KDM5A: variants seen among roughly 807,000 people sequenced by gnomAD.
KDM5A encodes the protein lysine demethylase 5A.
In KDM5A, 42 loss-of-function variants were observed where a neutral mutation model predicts 193.5. The ratio of observed to expected loss-of-function variants is 0.22; its 90% CI spans 0.17 to 0.28. The LOEUF (loss-of-function observed/expected upper bound fraction) is 0.28, where lower values mean the gene tolerates loss of function less well. Ranked by LOEUF, KDM5A falls within the 10% of genes least tolerant of loss-of-function variation. The pLI is 1.00. For synonymous variants in KDM5A, 796 were observed against 718.1 expected (o/e 1.11, Z -1.73); for missense variants, 1,692 against 2,055.1 (o/e 0.82, Z 3.42).
Position 297,200 on chromosome 12 carries a change from C to G in KDM5A, c.4075G>C (p.Asp1359His), listed in dbSNP as rs781237018. 6.2e-7 allele frequency: 1 copy of G among 1,613,790 alleles called. No individual in the cohort carries two copies. The highest frequency in any genetic ancestry group is 1.7e-5 in the Admixed American group (1 of 60,016). ...IRETYGYDMK[D>H]TASVKSSSSL... ...CTAGAGGACTTCACACTGGCTGTGT[C>G]CTGAAGAAGAAACAAAGAGAAGTAT... The change falls in exon 25 of 28, where the codon GAC (aspartate) becomes CAC (histidine). Residue 1359 changes from aspartate to histidine, a missense_variant and splice_region_variant. By Grantham distance (81) the Asp-to-His change is moderately conservative (BLOSUM62 -1). This residue lies in a region of KDM5A where 965 missense variants were observed against 1,061.0 expected (regional missense o/e 0.91). Transcript: ENST00000399788.
rs1425963015 is a variant in KDM5A at position 363,637 on chromosome 12, G to T, written c.538-540C>A. 2.0e-5 allele frequency among the ~76,000 whole-genome samples: 3 copies of T among 151,906 alleles called. No individual in the cohort carries two copies. In the East Asian group the frequency reaches 5.8e-4, roughly 29 times the overall value. On this transcript the variant is annotated intron_variant, in intron 4 of 27. Coordinates refer to ENST00000399788, the MANE Select transcript of KDM5A (RefSeq NM_001042603.3). ...ATACACACAAAAAAAGCCTCAAAAT[G>T]CATCACTGACCAAAATATAAAAGCC... is the stretch of plus-strand genomic sequence containing the variant.
chr12:343,540 C>T lies in KDM5A; in HGVS notation c.1308+7081G>A, dbSNP rs114919130. On this transcript the variant is annotated intron_variant, in intron 10 of 27. Transcript: ENST00000399788. ...AGACACTTCATATAGACAGCTGCCA[C>T]TCTGGGACGAAGCTTCCACAGGAAG... 2.3e-3 allele frequency among the ~76,000 whole-genome samples: 353 copies of T among 152,284 alleles called. 2 individuals carry two copies. The highest frequency in any genetic ancestry group is 5.8e-3 in the African/African-American group (240 of 41,552).
At position 296,519 on chromosome 12, in the gene KDM5A, C is replaced by T. The variant is rs142624985; in HGVS notation, c.4234+522G>A. 4.3e-3 allele frequency among the ~76,000 whole-genome samples: 650 copies of T among 152,186 alleles called. 5 individuals are homozygous for T. Among genetic ancestry groups the T allele is most frequent in the African/African-American group, 0.015 (617 of 41,516 alleles). The stretch of plus-strand genomic sequence containing the variant: ...AATGAACAGACAATAATACACAGTT[C>T]CATAAAATCCTGAATTTTATTATAA... On this transcript the variant is annotated intron_variant, in intron 25 of 27. Coordinates refer to ENST00000399788, the MANE Select transcript of KDM5A (RefSeq NM_001042603.3).
At chr12:369,287 T>G (rs913746173) in intron 3 of KDM5A, among the ~76,000 whole-genome samples, 83 of 152,322 alleles carry the variant, frequency 5.4e-4, no homozygotes, top group African/African-American at 1.9e-3. Flanking sequence ...CTGGATGGAT[T>G]AGAGTGCCTT....
At chr12:312,907 A>T (rs1030799147) in intron 20 of KDM5A, 149 bp downstream of exon 20, 1 of 929,484 alleles carries the variant, frequency 1.1e-6, no homozygotes, top group Non-Finnish European at 1.7e-6. Context: ...TCACTTTCGC[A>T]CCATCATAAA....
intron 14 of KDM5A, among the ~76,000 whole-genome samples, chr12:327,497 G>T (rs1342210111): frequency 6.6e-6 from 1 of 152,164 alleles, no homozygotes; most frequent in Non-Finnish European, 1.5e-5. Flanking sequence ...ATCACTTGAG[G>T]TCAGGAGCTT....
rs535821260 is a variant in KDM5A at position 316,920 on chromosome 12, AG to A, written c.2897+1185del. Among the ~76,000 whole-genome samples, 11 of 152,318 alleles carry A rather than the reference AG, an allele frequency of 7.2e-5. No individual in the cohort carries two copies. The South Asian group carries it at 2.3e-3, about 32-fold the overall frequency. The stretch of plus-strand genomic sequence containing the variant: ...CACAGAGGTATTGAAATGAAGTGGA[AG>A]ATACTTTAAATTTCAGTTGTGTCAC... On this transcript the variant is annotated intron_variant, in intron 19 of 27. Coordinates refer to ENST00000399788, the MANE Select transcript of KDM5A (RefSeq NM_001042603.3).
At chr12:305,854 A>G (rs957487090) in intron 24 of KDM5A, among the ~76,000 whole-genome samples, 3 of 152,136 alleles carry the variant, frequency 2.0e-5, no homozygotes, top group African/African-American at 7.2e-5. Context: ...CTGCAACTGG[A>G]ACTCAGCAAA....
chr12:350,423 T>G (rs1208135870), intron 10 of KDM5A, among the ~76,000 whole-genome samples, 198 bp downstream of exon 10: 2 of 119,882 alleles, frequency 1.7e-5, no homozygotes, highest in Non-Finnish European at 3.3e-5. Context: ...GTGAGATTCC[T>G]TCTCAAAAAA....
chr12:297,500 T>C (rs1943387717), intron 24 of KDM5A, among the ~76,000 whole-genome samples: 1 of 152,184 alleles, frequency 6.6e-6, no homozygotes, highest in Admixed American at 6.5e-5. Context: ...GTACAAGGGC[T>C]GAAATGTGAA....
chr12:351,906 C>A (rs1394754532), intron 9 of KDM5A, among the ~76,000 whole-genome samples: 1 of 151,918 alleles, frequency 6.6e-6, no homozygotes, highest in Non-Finnish European at 1.5e-5. Context: ...GAGTTCAAGA[C>A]CAGCCTGACC....
intron 3 of KDM5A, among the ~76,000 whole-genome samples, chr12:369,319 G>A (rs1944397093): frequency 6.6e-6 from 1 of 152,192 alleles, no homozygotes; most frequent in Admixed American, 6.5e-5. Context: ...GTAACTTTCA[G>A]TGCTTCTATA....
chr12:319,512 A>G (rs1943690632), intron 18 of KDM5A, among the ~76,000 whole-genome samples: 1 of 152,204 alleles, frequency 6.6e-6, no homozygotes, highest in Admixed American at 6.5e-5. Context: ...GCACTTTGGG[A>G]GGCCAAAGCA....
chr12:314,106 T>A (rs1355251159), intron 19 of KDM5A, among the ~76,000 whole-genome samples: 3 of 152,078 alleles, frequency 2.0e-5, no homozygotes, highest in Non-Finnish European at 4.4e-5. Flanking sequence ...GAGGCTGAAA[T>A]CGTTCATCAT....
intron 12 of KDM5A, 153 bp downstream of exon 12, chr12:333,334 G>A (rs1435655180): frequency 5.1e-6 from 4 of 782,064 alleles, no homozygotes; most frequent in Non-Finnish European, 8.6e-6. Flanking sequence ...CAGGAGAACT[G>A]CTTGAGCTGA....
At chr12:332,495 T>C (rs1943878187) in intron 12 of KDM5A, among the ~76,000 whole-genome samples, 1 of 152,178 alleles carries the variant, frequency 6.6e-6, no homozygotes, top group Admixed American at 6.5e-5. Context: ...AACTACTTTC[T>C]CTTTAAGGTT....
At chr12:328,801 T>C in intron 14 of KDM5A, 34 bp downstream of exon 14, 2 of 1,596,020 alleles carry the variant, frequency 1.3e-6, no homozygotes, top group Non-Finnish European at 1.7e-6. Flanking sequence ...CCATAAGCAG[T>C]ATCAAACATA....
intron 10 of KDM5A, among the ~76,000 whole-genome samples, chr12:347,509 A>G (rs1344517598): frequency 6.6e-6 from 1 of 152,220 alleles, no homozygotes; most frequent in Non-Finnish European, 1.5e-5. Context: ...CTGACTTTAA[A>G]CTATACTACA....
At chr12:364,793 A>AAAAC (rs1338289069) in intron 4 of KDM5A, among the ~76,000 whole-genome samples, 1 of 151,394 alleles carries the variant, frequency 6.6e-6, no homozygotes, top group African/African-American at 2.4e-5. Flanking sequence ...AAAAAAAAAA[A>AAAAC]AAACAAACAA....
Sources: gnomAD v4.1 joint callset for allele counts (sites outside exome capture counted in the v4.1 genomes callset) on GRCh38, gnomAD v4.1.1 for gene constraint, gnomAD v4.1.1 regional missense constraint, MANE v1.5 for transcripts, NCBI Gene and HGNC (gene_info 2026-07-23, HGNC 2026-07-21) for gene names.